The following KSR1 variants were observed in gnomAD, a reference collection of about 807,000 sequenced individuals.
KSR1 encodes kinase suppressor of ras 1.
Under a neutral mutation model 92.9 loss-of-function variants are expected in KSR1, and 35 were observed. The ratio of observed to expected loss-of-function variants is 0.38; its 90% confidence interval spans 0.29 to 0.50. The LOEUF (loss-of-function observed/expected upper bound fraction) is 0.50. KSR1 is among the 20% of genes least tolerant of loss of function. KSR1 has a pLI of 0.94. For synonymous variants in KSR1, 467 were observed against 472.6 expected, an observed-to-expected ratio of 0.99 and a Z score of 0.15; for missense variants, 972 against 1,158.5, an observed-to-expected ratio of 0.84 and a Z score of 2.34.
rs188772584 is a variant in KSR1 at position 27,509,491 on chromosome 17, A to G, written c.232-41077A>G. On this transcript the variant is annotated intron_variant, in intron 1 of 20. Coordinates refer to ENST00000644974, the MANE Select transcript of KSR1 (RefSeq NM_001394583.1). ...TTTTTAGGAGAGACGGGGTTTCACCATGTTAGTCAGGATGGTCTTGATCTC... is the reference window on the plus strand; with the variant it reads ...TTTTTAGGAGAGACGGGGTTTCACCGTGTTAGTCAGGATGGTCTTGATCTC... Among the ~76,000 whole-genome samples, 119 of 150,190 alleles carry G rather than the reference A, an allele frequency of 7.9e-4. No individual in the cohort carries two copies. The South Asian group carries it at 0.011, about 14-fold the overall frequency.
At chr17:27,552,681 C>G (rs2071437960) in intron 2 of KSR1, among the ~76,000 whole-genome samples, 1 of 152,198 alleles carries the variant, frequency 6.6e-6, no homozygotes, top group Non-Finnish European at 1.5e-5. Flanking sequence ...GATGCAGTAG[C>G]ACTCCCCTCT....
intron 7 of KSR1, 34 bp downstream of exon 7, chr17:27,590,928 G>A: frequency 1.3e-6 from 2 of 1,558,402 alleles, no homozygotes. Context: ...GGGGGGAGCA[G>A]ACACTTTTAG....
chr17:27,575,514 C>T (rs1200979522), intron 2 of KSR1, among the ~76,000 whole-genome samples: 2 of 152,162 alleles, frequency 1.3e-5, no homozygotes, highest in African/African-American at 4.8e-5. Context: ...TTCTTTAGCT[C>T]ATCCTGTTTT....
intron 14 of KSR1, among the ~76,000 whole-genome samples, 195 bp downstream of exon 14, chr17:27,606,008 A>G (rs1229683718): frequency 6.6e-6 from 1 of 152,262 alleles, no homozygotes; most frequent in Non-Finnish European, 1.5e-5. Context: ...GGGCTGGTGC[A>G]GTGGCCCATG....
At position 27,582,862 on chromosome 17, in the gene KSR1, G is replaced by T. The variant is rs747884146; in HGVS notation, c.737G>T (p.Gly246Val). Residue 246 changes from glycine (G) to valine (V), a missense_variant, in exon 4 of 21, where the codon GGC (glycine) becomes GTC (valine). This residue lies in a region of KSR1 where 611 missense variants were observed against 668.0 expected (regional missense o/e 0.91). Transcript: ENST00000644974. ...TCCCCCACCCCCAGCTTCAGTGAGG[G>T]CCTCTCAGACACCTGTATTCCCCTG... ...SDSPTPSFSEGLSDTCIPLHA... is the reference protein window; with the variant it reads ...SDSPTPSFSEVLSDTCIPLHA... 3 of 1,613,436 alleles carry T rather than the reference G, an allele frequency of 1.9e-6. No homozygotes were observed. Among genetic ancestry groups the T allele is most frequent in the East Asian group, 2.2e-5 (1 of 44,846 alleles).
chr17:27,590,532 T>TGCGC (rs1311022685), intron 6 of KSR1, among the ~76,000 whole-genome samples: 1 of 152,254 alleles, frequency 6.6e-6, no homozygotes, highest in Non-Finnish European at 1.5e-5. Context: ...TCAAAGGGTA[T>TGCGC]GCGCACTTGT....
At chr17:27,562,605 C>T (rs1175253562) in intron 2 of KSR1, among the ~76,000 whole-genome samples, 1 of 152,210 alleles carries the variant, frequency 6.6e-6, no homozygotes, top group Admixed American at 6.5e-5. Flanking sequence ...GTGTTCCCTC[C>T]TCCTCCTAGG....
chr17:27,480,291 A>T (rs1362712354), intron 1 of KSR1, among the ~76,000 whole-genome samples: 3 of 152,042 alleles, frequency 2.0e-5, no homozygotes, highest in Admixed American at 2.0e-4. Context: ...CCTAACACAT[A>T]CTGTGGTATT....
At chr17:27,537,849 A>G (rs1298439362) in intron 1 of KSR1, among the ~76,000 whole-genome samples, 2 of 152,246 alleles carry the variant, frequency 1.3e-5, no homozygotes, top group Non-Finnish European at 2.9e-5. Context: ...GAATACAAAA[A>G]ATAACTCAAC....
chr17:27,535,926 C>A (rs963979578), intron 1 of KSR1, among the ~76,000 whole-genome samples: 2 of 152,232 alleles, frequency 1.3e-5, no homozygotes, highest in Non-Finnish European at 2.9e-5. Flanking sequence ...ACTGTCCATT[C>A]TTTCTGTGGC....
intron 1 of KSR1, among the ~76,000 whole-genome samples, chr17:27,494,129 A>G (rs929697471): frequency 1.3e-5 from 2 of 151,410 alleles, no homozygotes. Flanking sequence ...TCCTTCTCCC[A>G]CTCCGCTGTC....
intron 20 of KSR1, chr17:27,622,074 G>A (rs1158284647): frequency 1.7e-5 from 13 of 782,426 alleles, no homozygotes; most frequent in Non-Finnish European, 2.6e-5. Context: ...CGTCTCTCTC[G>A]AGGCTACTTC....
intron 10 of KSR1, among the ~76,000 whole-genome samples, chr17:27,597,915 A>G (rs2073406904): frequency 1.3e-5 from 2 of 152,210 alleles, no homozygotes; most frequent in South Asian, 4.1e-4. Context: ...CGTTCCCTTT[A>G]TAAGATAGGT....
intron 18 of KSR1, among the ~76,000 whole-genome samples, chr17:27,614,126 A>G (rs960274291): frequency 1.3e-5 from 2 of 152,248 alleles, no homozygotes; most frequent in African/African-American, 4.8e-5. Context: ...AATATTTAAG[A>G]CATACATATC....
intron 1 of KSR1, among the ~76,000 whole-genome samples, chr17:27,490,521 T>C (rs1412862826): frequency 6.6e-6 from 1 of 151,884 alleles, no homozygotes; most frequent in Non-Finnish European, 1.5e-5. Context: ...TAAGGTGAAA[T>C]GGAAGCTGTA....
chr17:27,493,330 G>A (rs1012081920), intron 1 of KSR1, among the ~76,000 whole-genome samples: 3 of 152,206 alleles, frequency 2.0e-5, no homozygotes, highest in Non-Finnish European at 4.4e-5. Context: ...AGGACAGAGA[G>A]GGCTTTGGAG....
intron 19 of KSR1, among the ~76,000 whole-genome samples, chr17:27,618,988 G>A (rs1039182471): frequency 2.6e-5 from 4 of 152,054 alleles, no homozygotes; most frequent in South Asian, 2.1e-4. Context: ...GAGCCACTGC[G>A]CCCGGCCAGT....
Position 27,590,867 on chromosome 17 carries a change from T to A in KSR1, c.1103T>A (p.Ile368Lys), listed in dbSNP as rs768652686. Residue 368 changes from isoleucine (I) to lysine (K), a missense_variant, in exon 7 of 21, where the codon ATA (isoleucine) becomes AAA (lysine). Ile to Lys is a moderately radical substitution (Grantham distance 102). Around this residue, in one of 5 missense-constraint regions of KSR1, gnomAD observed 611 missense variants for 668.0 expected, o/e 0.91. Transcript: ENST00000644974. Reference protein sequence around the residue: ...QVCHVCQKSMIFGVKCKHCRL... With the variant: ...QVCHVCQKSMKFGVKCKHCRL... ...TGCCACGTGTGCCAGAAGAGCATGA[T>A]ATTTGGAGTGAAGTGCAAGCATTGC... 1 of 1,611,954 alleles carries A rather than the reference T, an allele frequency of 6.2e-7. No individual in the cohort carries two copies. Among genetic ancestry groups the A allele is most frequent in the Non-Finnish European group, 8.5e-7 (1 of 1,179,244 alleles).
intron 1 of KSR1, among the ~76,000 whole-genome samples, chr17:27,470,430 C>T (rs2019936897): frequency 6.6e-6 from 1 of 152,028 alleles, no homozygotes; most frequent in South Asian, 2.1e-4. Flanking sequence ...TTAGTAGAGA[C>T]AGGGTTTCAC....
Sources: allele counts gnomAD v4.1 joint callset (sites outside exome capture counted in the v4.1 genomes callset), GRCh38; gene constraint gnomAD v4.1.1; regional missense constraint gnomAD v4.1.1; transcripts MANE v1.5; gene names NCBI Gene and HGNC (gene_info 2026-07-23, HGNC 2026-07-21).